Variants in COL24A1 observed in about 807,000 individuals in gnomAD.
The protein encoded by COL24A1 is collagen type XXIV alpha 1 chain, also known as collagen alpha-1(XXIV) chain.
COL24A1 carries 224 observed loss-of-function variants against 253.9 expected under a neutral mutation model. The observed-to-expected ratio is 0.88, with a 90% CI of 0.79 to 0.99. The LOEUF is 0.99. COL24A1 is among the 50% of genes least tolerant of loss of function. The pLI is 0.00. For missense variants in COL24A1, 2,131 were observed against 2,068.5 expected (o/e 1.03, Z -0.59); for synonymous variants, 685 against 673.7 (o/e 1.02, Z -0.26).
chr1:85,792,775 T>C (rs189014835), intron 47 of COL24A1, among the ~76,000 whole-genome samples: 37 of 151,904 alleles, frequency 2.4e-4, no homozygotes, highest in Admixed American at 2.3e-3. Context: ...ATGTACTATA[T>C]AAATAATTAT....
intron 3 of COL24A1, among the ~76,000 whole-genome samples, chr1:86,119,708 C>G (rs1028497059): frequency 2.0e-5 from 3 of 152,092 alleles, no homozygotes; most frequent in African/African-American, 7.2e-5. Context: ...CTATGCCTCT[C>G]CATATACCAT....
At chr1:85,823,404 A>G (rs1673863669) in intron 45 of COL24A1, 132 bp downstream of exon 45, 2 of 755,160 alleles carry the variant, frequency 2.6e-6, no homozygotes, top group South Asian at 1.9e-5. Flanking sequence ...CCCTACTTAG[A>G]GGCCCATAGT....
chr1:85,821,646 G>C (rs900265906), intron 45 of COL24A1, among the ~76,000 whole-genome samples: 2 of 152,128 alleles, frequency 1.3e-5, no homozygotes, highest in African/African-American at 4.8e-5. Context: ...GCTTTTTAAT[G>C]TGCCCTTGGG....
At chr1:85,974,203 T>C (rs534434756) in intron 20 of COL24A1, among the ~76,000 whole-genome samples, 1 of 152,058 alleles carries the variant, frequency 6.6e-6, no homozygotes, top group African/African-American at 2.4e-5. Flanking sequence ...CAGAGAAAAC[T>C]TAAACACTAA....
chr1:85,874,442 T>C lies in COL24A1; in HGVS notation c.3138+207A>G, dbSNP rs140647667. ...TATACCTGATTTTGAGAAAAGGACA[T>C]ATGAGGTTAAGACTGTAAATACTAC... On this transcript the variant is annotated intron_variant, in intron 35 of 59. Coordinates refer to ENST00000370571, the MANE Select transcript of COL24A1 (RefSeq NM_152890.7). Among the ~76,000 whole-genome samples the C allele has an allele frequency of 7.9e-5, 12 of 152,302 alleles. No homozygotes were observed. The East Asian group carries it at 2.3e-3, about 29-fold the overall frequency.
At chr1:85,997,290 T>TA (rs1694923639) in intron 19 of COL24A1, among the ~76,000 whole-genome samples, 1 of 151,514 alleles carries the variant, frequency 6.6e-6, no homozygotes, top group Non-Finnish European at 1.5e-5. Flanking sequence ...AGCAAGAGGG[T>TA]ATAAGTAGAT....
chr1:85,833,629 G>T (rs1250347131), intron 43 of COL24A1, among the ~76,000 whole-genome samples: 2 of 152,084 alleles, frequency 1.3e-5, no homozygotes, highest in African/African-American at 4.8e-5. Context: ...TATACCCAAA[G>T]GATTATAAAT....
At chr1:85,812,086 G>A (rs1672605852) in intron 47 of COL24A1, among the ~76,000 whole-genome samples, 1 of 138,506 alleles carries the variant, frequency 7.2e-6, no homozygotes, top group Non-Finnish European at 1.6e-5. Flanking sequence ...AACCTGGAAT[G>A]TCAAATGGCT....
Position 85,965,012 on chromosome 1 carries a change from T to C in COL24A1, c.2514A>G (p.Leu838=), listed in dbSNP as rs146788003. The C allele has an allele frequency of 3.3e-5, 53 of 1,610,434 alleles. No homozygotes were observed. Among genetic ancestry groups the C allele is most frequent in the Non-Finnish European group, 4.1e-5 (48 of 1,177,780 alleles). Residue 838 remains leucine, a synonymous_variant, in exon 23 of 60, where the codon TTA becomes TTG. Transcript: ENST00000370571. ...ATAATAAAGTCAGTTGCTTTACCTTTAAGCCTTCTGGTCCTGGTTCACCTG... is the reference window on the plus strand; with the variant it reads ...ATAATAAAGTCAGTTGCTTTACCTTCAAGCCTTCTGGTCCTGGTTCACCTG... ...GYAGEPGPEG[L]KGEVGDQGNI...
chr1:86,007,202 G>A (rs1402718214), intron 19 of COL24A1, among the ~76,000 whole-genome samples: 1 of 150,228 alleles, frequency 6.7e-6, no homozygotes, highest in Non-Finnish European at 1.5e-5. Context: ...GTGACATAGT[G>A]AAACTGTCTC....
chr1:85,883,591 T>C (rs1682126287), intron 32 of COL24A1: 1 of 152,228 alleles, frequency 6.6e-6, no homozygotes, highest in Admixed American at 6.5e-5. Context: ...CAAACTATAC[T>C]ACTTTTAAAA....
At chr1:86,151,303 A>T (rs998303989) in intron 1 of COL24A1, among the ~76,000 whole-genome samples, 1 of 152,286 alleles carries the variant, frequency 6.6e-6, no homozygotes, top group East Asian at 1.9e-4. Flanking sequence ...TATTCAAAAC[A>T]TGTTTGTTTT....
intron 3 of COL24A1, among the ~76,000 whole-genome samples, chr1:86,120,260 G>A (rs1015846344): frequency 6.6e-6 from 1 of 152,150 alleles, no homozygotes; most frequent in African/African-American, 2.4e-5. Flanking sequence ...AAACACAAAA[G>A]CAATGGCAAC....
intron 24 of COL24A1, among the ~76,000 whole-genome samples, chr1:85,924,993 T>C (rs910428118): frequency 6.6e-6 from 1 of 152,186 alleles, no homozygotes; most frequent in African/African-American, 2.4e-5. Flanking sequence ...ACAAAATCAA[T>C]GTGCAAATAT....
intron 37 of COL24A1, among the ~76,000 whole-genome samples, chr1:85,861,555 G>A (rs1052844590): frequency 6.6e-6 from 1 of 152,108 alleles, no homozygotes. Context: ...CTCATTTGGA[G>A]TTCATTTTTT....
At chr1:86,103,237 A>G (rs1704634262) in intron 5 of COL24A1, among the ~76,000 whole-genome samples, 1 of 151,730 alleles carries the variant, frequency 6.6e-6, no homozygotes, top group Non-Finnish European at 1.5e-5. Context: ...TGCTTGATAG[A>G]TTTTTCTTTA....
In COL24A1 at chr1:85,997,015, A is replaced by ATGTG. The variant is rs148215836; in HGVS notation, c.2311-9362_2311-9361insCACA. ...GGATATCTTGTTTTCTTTCATATATATATGTGTGTGTGTATATATATATAT... is the reference window on the plus strand; with the variant it reads ...GGATATCTTGTTTTCTTTCATATATATGTGTATGTGTGTGTGTATATATATATAT... On this transcript the variant is annotated intron_variant, in intron 19 of 59. Coordinates refer to ENST00000370571, the MANE Select transcript of COL24A1 (RefSeq NM_152890.7). Among the ~76,000 whole-genome samples, 630 of 92,654 alleles carry ATGTG rather than the reference A, an allele frequency of 6.8e-3. 26 individuals carry two copies. The highest frequency in any genetic ancestry group is 0.024 in the South Asian group (59 of 2,482). The allele number at this position is 92,654 out of a possible 152,430, so 60.8% of individuals were successfully genotyped here.
chr1:85,846,189 A>C (rs1340584657), intron 39 of COL24A1, among the ~76,000 whole-genome samples: 3 of 151,888 alleles, frequency 2.0e-5, no homozygotes, highest in Non-Finnish European at 4.4e-5. Context: ...GTTTGGAAAA[A>C]ATAAACTTAG....
chr1:85,868,723 A>T lies in COL24A1; in HGVS notation c.3192+59T>A, dbSNP rs531594760. 5.3e-4 allele frequency: 755 copies of T among 1,412,810 alleles called. 5 individuals carry two copies. In the African/African-American group the frequency reaches 0.01, roughly 19 times the overall value. 87.5% of individuals were successfully genotyped at this position (1,412,810 alleles called of 1,614,324 possible). On this transcript the variant is annotated intron_variant, in intron 36 of 59. Coordinates refer to ENST00000370571, the MANE Select transcript of COL24A1 (RefSeq NM_152890.7). The stretch of plus-strand genomic sequence containing the variant: ...TGTCACACAAAAACAATGATGTCTA[A>T]TATTTTAAAGATTTTACAAAACATC...
Sources: allele counts gnomAD v4.1 joint callset (sites outside exome capture counted in the v4.1 genomes callset), GRCh38; gene constraint gnomAD v4.1.1; transcripts MANE v1.5; gene names NCBI Gene and HGNC (gene_info 2026-07-23, HGNC 2026-07-21).